The following MOXD1 variants were observed in gnomAD, a reference collection of about 807,000 sequenced individuals.
MOXD1 encodes DBH-like monooxygenase protein 1.
Under a neutral mutation model 66.6 loss-of-function variants are expected in MOXD1, and 62 were observed. That is an observed-to-expected ratio of 0.93 (90% CI 0.76 to 1.15). The LOEUF (loss-of-function observed/expected upper bound fraction) is 1.15, where lower values mean the gene tolerates loss of function less well. Among genes scored for constraint, MOXD1 ranks in the 50% most tolerant of loss-of-function variants. The probability of loss-of-function intolerance (pLI) is 0.00; values close to 1 mark genes in which losing one functional copy is unlikely to be tolerated. For missense variants in MOXD1, 847 were observed against 754.6 expected, an observed-to-expected ratio of 1.12 and a Z score of -1.44; for synonymous variants, 303 against 281.9, an observed-to-expected ratio of 1.07 and a Z score of -0.75.
At chr6:132,325,801 C>T (rs1775173396) in intron 6 of MOXD1, among the ~76,000 whole-genome samples, 1 of 152,152 alleles carries the variant, frequency 6.6e-6, no homozygotes, top group Admixed American at 6.5e-5. Flanking sequence ...GTGTTTGGCA[C>T]AAATGAGGTG....
At chr6:132,335,744 C>G (rs762492061) in intron 4 of MOXD1, among the ~76,000 whole-genome samples, 1 of 152,180 alleles carries the variant, frequency 6.6e-6, no homozygotes, top group South Asian at 2.1e-4. Context: ...ATTCATACAT[C>G]CTCAATTTTC....
At chr6:132,373,140 T>C in intron 2 of MOXD1, 143 bp from the exon 3 acceptor site, 1 of 756,564 alleles carries the variant, frequency 1.3e-6, no homozygotes, top group Non-Finnish European at 1.9e-6. Flanking sequence ...ACATGGTCTC[T>C]AATATTAATT....
Position 132,395,295 on chromosome 6 carries a change from T to C in MOXD1, c.264+5868A>G, listed in dbSNP as rs184192876. On this transcript the variant is annotated intron_variant, in intron 1 of 11. Transcript: ENST00000367963. ...ACCACTAGACCAGATCTATAAGAAA[T>C]GCCAAGGGAGTCCTACACCCAAAAG... is the stretch of plus-strand genomic sequence containing the variant. Among the ~76,000 whole-genome samples the C allele has an allele frequency of 1.8e-4, 27 of 152,168 alleles. No homozygotes were observed. In the East Asian group the frequency reaches 4.4e-3, roughly 25 times the overall value.
Position 132,296,953 on chromosome 6 carries a change from T to C in MOXD1, c.*200A>G. On this transcript the variant is annotated 3_prime_UTR_variant, in exon 12 of 12. Coordinates refer to ENST00000367963, the MANE Select transcript of MOXD1 (RefSeq NM_015529.4). Reference sequence around the variant, plus strand: ...TTTTATTTTATTGACCATGTATATATAACATCAGATATTTCTAAGAAAGAG... The same window carrying C: ...TTTTATTTTATTGACCATGTATATACAACATCAGATATTTCTAAGAAAGAG... 2.0e-6 allele frequency: 1 copy of C among 490,540 alleles called. No individual in the cohort carries two copies. Among genetic ancestry groups the C allele is most frequent in the Non-Finnish European group, 3.6e-6 (1 of 279,100 alleles). 30.4% of individuals were successfully genotyped at this position (490,540 alleles called of 1,614,324 possible). A position where few individuals can be genotyped will look rare whatever the true frequency, so the allele number is the denominator to read the frequency against.
At chr6:132,313,380 T>C (rs1343303659) in intron 10 of MOXD1, among the ~76,000 whole-genome samples, 1 of 152,220 alleles carries the variant, frequency 6.6e-6, no homozygotes, top group African/African-American at 2.4e-5. Context: ...TTATTTGTAT[T>C]TTATTAGATA....
chr6:132,305,364 C>T (rs746323894), intron 10 of MOXD1, among the ~76,000 whole-genome samples: 38 of 152,256 alleles, frequency 2.5e-4, no homozygotes, highest in Non-Finnish European at 4.4e-4. Flanking sequence ...GAAGCTGGAT[C>T]TCCCTAGTCC....
rs559556909 is a variant in MOXD1, at chr6:132,331,015, C to T, written c.664-2421G>A. Among the ~76,000 whole-genome samples, 458 of 152,272 alleles carry T rather than the reference C, an allele frequency of 3.0e-3. 1 individual carries two copies. Among genetic ancestry groups the T allele is most frequent in the African/African-American group, 0.01 (431 of 41,554 alleles). ...TGCACTTGTTTTGTCTCTAAAAGGT[C>T]GTGTGGCCTGAAGGCAGAAACTTTT... On this transcript the variant is annotated intron_variant, in intron 4 of 11. Coordinates refer to ENST00000367963, the MANE Select transcript of MOXD1 (RefSeq NM_015529.4).
rs192696250 is a variant in MOXD1, at chr6:132,299,416, T to G, written c.1509-1461A>C. ...GTAACAAACCTAAACATGCATCCCT[T>G]GAACCTAAAATAAAAGTTGAAATTT... On this transcript the variant is annotated intron_variant, in intron 10 of 11. Transcript: ENST00000367963. Among the ~76,000 whole-genome samples, 168 of 152,218 alleles carry G rather than the reference T, an allele frequency of 1.1e-3. 1 individual carries two copies. Among genetic ancestry groups the G allele is most frequent in the African/African-American group, 3.9e-3 (161 of 41,516 alleles).
chr6:132,310,836 G>A (rs1429842776), intron 10 of MOXD1, among the ~76,000 whole-genome samples: 1 of 152,112 alleles, frequency 6.6e-6, no homozygotes, highest in Non-Finnish European at 1.5e-5. Context: ...ACACACACCA[G>A]GGCCTGTTGG....
chr6:132,361,692 AAG>A lies in MOXD1; in HGVS notation c.663+10914_663+10915del, dbSNP rs146549951. On this transcript the variant is annotated intron_variant, in intron 4 of 11. Coordinates refer to ENST00000367963, the MANE Select transcript of MOXD1 (RefSeq NM_015529.4). ...CACAAAAGCCTGGACTCCCTCCCTA[AAG>A]ATTCTGATTCTAACATGCACCCTAG... 2.4e-3 allele frequency among the ~76,000 whole-genome samples: 365 copies of A among 152,264 alleles called. 15 individuals are homozygous for A. The East Asian group carries it at 0.059, about 25-fold the overall frequency.
chr6:132,301,867 G>A (rs988123120), intron 10 of MOXD1, among the ~76,000 whole-genome samples: 1 of 152,088 alleles, frequency 6.6e-6, no homozygotes, highest in African/African-American at 2.4e-5. Flanking sequence ...CCAAAAGGAA[G>A]GAAACAAATA....
intron 2 of MOXD1, among the ~76,000 whole-genome samples, chr6:132,374,360 A>G (rs1255230481): frequency 6.6e-6 from 1 of 152,136 alleles, no homozygotes; most frequent in Non-Finnish European, 1.5e-5. Flanking sequence ...AGTAAAATGT[A>G]TTTATGGCTA....
intron 10 of MOXD1, among the ~76,000 whole-genome samples, chr6:132,298,964 C>A (rs922346238): frequency 1.4e-4 from 21 of 152,132 alleles, no homozygotes; most frequent in Non-Finnish European, 1.0e-4. Context: ...AAAAAGACCA[C>A]ATGCATTTGT....
intron 10 of MOXD1, among the ~76,000 whole-genome samples, chr6:132,305,134 G>A (rs557853203): frequency 1.0e-3 from 157 of 152,324 alleles, no homozygotes; most frequent in Non-Finnish European, 2.0e-3. Flanking sequence ...CGAGGGAAGG[G>A]CAGCATCCAT....
chr6:132,348,488 T>C (rs1775713496), intron 4 of MOXD1, among the ~76,000 whole-genome samples: 1 of 152,230 alleles, frequency 6.6e-6, no homozygotes, highest in African/African-American at 2.4e-5. Context: ...ATTTGTTTTT[T>C]TCCCTAAACT....
chr6:132,353,511 G>A (rs1432290934), intron 4 of MOXD1, among the ~76,000 whole-genome samples: 1 of 152,092 alleles, frequency 6.6e-6, no homozygotes, highest in Non-Finnish European at 1.5e-5. Context: ...TCGCTTGTAG[G>A]GTTTCTGCTG....
At chr6:132,387,034 T>G (rs1033899905) in intron 1 of MOXD1, among the ~76,000 whole-genome samples, 37 of 151,274 alleles carry the variant, frequency 2.4e-4, no homozygotes, top group African/African-American at 7.7e-4. Context: ...TTTCCTCAGG[T>G]ACTCAGATTT....
At chr6:132,310,027 C>T (rs535519884) in intron 10 of MOXD1, among the ~76,000 whole-genome samples, 1 of 152,292 alleles carries the variant, frequency 6.6e-6, no homozygotes, top group East Asian at 1.9e-4. Context: ...TAAAGAACTT[C>T]TGCACAGCAA....
chr6:132,323,246 C>A (rs781588942), intron 7 of MOXD1, among the ~76,000 whole-genome samples: 1 of 152,056 alleles, frequency 6.6e-6, no homozygotes, highest in Non-Finnish European at 1.5e-5. Context: ...GATAAGAAAG[C>A]GAAAGTGGGT....
Sources: allele counts gnomAD v4.1 joint callset (sites outside exome capture counted in the v4.1 genomes callset), GRCh38; gene constraint gnomAD v4.1.1; transcripts MANE v1.5; gene names NCBI Gene and HGNC (gene_info 2026-07-23, HGNC 2026-07-21).